The following ETNPPL variants were observed in gnomAD, a reference collection of about 807,000 sequenced individuals.
The protein encoded by ETNPPL is alanine--glyoxylate aminotransferase 2-like 1.
ETNPPL carries 30 observed loss-of-function variants against 55.5 expected under a neutral mutation model. The ratio of observed to expected loss-of-function variants is 0.54; its 90% CI spans 0.40 to 0.73. The LOEUF is 0.73. Among genes scored for constraint, ETNPPL ranks in the 30% least tolerant of loss-of-function variants. The pLI is 0.00. For missense variants in ETNPPL, 528 were observed against 607.9 expected (o/e 0.87, Z 1.38); for synonymous variants, 202 against 207.2 (o/e 0.98, Z 0.21).
In ETNPPL at chr4:108,750,027, C is replaced by T. The variant is rs534709693; in HGVS notation, c.702-564G>A. Reference sequence around the variant, plus strand: ...AGCACCCAGTCCTATTACCATATTACCTTTTAAGTGGGAAGAGAAAGAATC... The same window carrying T: ...AGCACCCAGTCCTATTACCATATTATCTTTTAAGTGGGAAGAGAAAGAATC... On this transcript the variant is annotated intron_variant, in intron 7 of 12. Transcript: ENST00000296486. Among the ~76,000 whole-genome samples, 5 of 152,188 alleles carry T rather than the reference C, an allele frequency of 3.3e-5. No homozygotes were observed. In the East Asian group the frequency reaches 5.8e-4, roughly 18 times the overall value.
Position 108,746,699 on chromosome 4 carries a change from C to A in ETNPPL, c.1172+63G>T, listed in dbSNP as rs2125671265. 27 of 1,541,186 alleles carry A rather than the reference C, an allele frequency of 1.8e-5. No homozygotes were observed. In the South Asian group the frequency reaches 2.8e-4, roughly 16 times the overall value. On this transcript the variant is annotated intron_variant, in intron 10 of 12. Transcript: ENST00000296486. ...GAGGGATGGGAGGAAGTCAAGCAAG[C>A]TTTCAAGTGGGTAGGCATCCTGCAG...
At chr4:108,753,811 G>GAAAAGAAAAGAA (rs1560656754) in intron 5 of ETNPPL, among the ~76,000 whole-genome samples, 6 of 128,862 alleles carry the variant, frequency 4.7e-5, no homozygotes, top group African/African-American at 1.7e-4. Context: ...AAAGAAAAGA[G>GAAAAGAAAAGAA]AAGAAAAGAA....
chr4:108,753,856 G>C (rs541617139), intron 5 of ETNPPL, among the ~76,000 whole-genome samples: 155 of 151,320 alleles, frequency 1.0e-3, no homozygotes, highest in African/African-American at 3.7e-3. Flanking sequence ...CCTCAGTTAA[G>C]ACAAACACAC....
Position 108,753,006 on chromosome 4 carries a change from TG to T in ETNPPL, c.506del (p.Pro169GlnfsTer25), listed in dbSNP as rs1343961764. 1 of 1,591,468 alleles carries T rather than the reference TG, an allele frequency of 6.3e-7. No individual in the cohort carries two copies. Among genetic ancestry groups the T allele is most frequent in the Non-Finnish European group, 8.6e-7 (1 of 1,164,074 alleles). The part of the protein sequence containing the change: ...DVKKEFVHVA[P>X]TPDTYRGKYR... ...ATTTTCCTCTGTAAGTATCTGGAGT[TG>T]GTGCCTGAAAACATCAAATAATGCA... On this transcript the variant is annotated frameshift_variant, in exon 6 of 13. Transcript: ENST00000296486. LOFTEE classifies it high-confidence loss of function.
intron 11 of ETNPPL, among the ~76,000 whole-genome samples, chr4:108,745,759 C>T (rs1382582445): frequency 6.6e-6 from 1 of 151,574 alleles, no homozygotes; most frequent in Non-Finnish European, 1.5e-5. Flanking sequence ...AGTGAAACCC[C>T]ATCTCTACTA....
At position 108,749,403 on chromosome 4, in the gene ETNPPL, T is replaced by G; in HGVS notation, c.762A>C (p.Arg254Ser). 1.2e-6 allele frequency: 2 copies of G among 1,614,096 alleles called. No individual in the cohort carries two copies. Among genetic ancestry groups the G allele is most frequent in the Non-Finnish European group, 1.7e-6 (2 of 1,180,012 alleles). The change falls in exon 8 of 13, where the codon AGA becomes AGC. Residue 254 changes from arginine to serine, a missense_variant. Physicochemically the swap from Arg to Ser is moderately radical, Grantham distance 110 (BLOSUM62 -1). Coordinates refer to ENST00000296486, the MANE Select transcript of ETNPPL (RefSeq NM_031279.4). ...GGAAGCTCCAGAAATGTTTCCCAAC[T>G]CTGCCAAAGCCCACTTGAACTTCAT... Reference protein sequence around the residue: ...IADEVQVGFGRVGKHFWSFQM... With the variant: ...IADEVQVGFGSVGKHFWSFQM...
chr4:108,759,938 A>G, intron 2 of ETNPPL, 30 bp from the exon 3 acceptor site: 1 of 1,603,510 alleles, frequency 6.2e-7, no homozygotes, highest in South Asian at 1.1e-5. Context: ...AGCCCAAGAA[A>G]TAAGTTAGAA....
intron 3 of ETNPPL, among the ~76,000 whole-genome samples, chr4:108,759,030 C>A (rs1480546381): frequency 6.6e-6 from 1 of 152,040 alleles, no homozygotes; most frequent in Non-Finnish European, 1.5e-5. Flanking sequence ...GCCTGGGGAA[C>A]AAGAGCGAAA....
chr4:108,743,502 A>G lies in ETNPPL; in HGVS notation c.1371+287T>C, dbSNP rs138559437. ...GCAGGAAGGAGGTTAGGCCGTTTTA[A>G]TTCTCTCTATATATATTTTATAGGC... On this transcript the variant is annotated intron_variant, in intron 12 of 12. Transcript: ENST00000296486. Among the ~76,000 whole-genome samples, 458 of 151,486 alleles carry G rather than the reference A, an allele frequency of 3.0e-3. 2 individuals carry two copies. Among genetic ancestry groups the G allele is most frequent in the Admixed American group, 9.7e-3 (147 of 15,208 alleles).
chr4:108,749,505 G>T, intron 7 of ETNPPL, 42 bp from the exon 8 acceptor site: 1 of 1,471,746 alleles, frequency 6.8e-7, no homozygotes, highest in Non-Finnish European at 9.5e-7. Flanking sequence ...AGGTCACTGA[G>T]ATCCCCAAAC....
chr4:108,756,584 C>A (rs1729211927), intron 3 of ETNPPL, 92 bp from the exon 4 acceptor site: 3 of 977,166 alleles, frequency 3.1e-6, no homozygotes, highest in Admixed American at 1.9e-5. Flanking sequence ...CGCCTGTAAT[C>A]CTAGCGCTTT....
At position 108,754,617 on chromosome 4, in the gene ETNPPL, T is replaced by A; in HGVS notation, c.501+3A>T. The A allele has an allele frequency of 1.4e-6, 2 of 1,439,728 alleles. No homozygotes were observed. Among genetic ancestry groups the A allele is most frequent in the Non-Finnish European group, 2.0e-6 (2 of 1,024,992 alleles). The allele number at this position is 1,439,728 out of a possible 1,614,324, so 89.2% of individuals were successfully genotyped here. On this transcript the variant is annotated splice_donor_region_variant and intron_variant, in intron 5 of 12. Coordinates refer to ENST00000296486, the MANE Select transcript of ETNPPL (RefSeq NM_031279.4). ...TTCTGATTTAGGATTTTAAGACACT[T>A]ACCACATGTACAAATTCTTTTTTGA... is the stretch of plus-strand genomic sequence containing the variant.
At chr4:108,744,029 G>A (rs1257438372) in intron 11 of ETNPPL, among the ~76,000 whole-genome samples, 173 bp from the exon 12 acceptor site, 4 of 152,364 alleles carry the variant, frequency 2.6e-5, no homozygotes, top group South Asian at 4.1e-4. Flanking sequence ...TCGGGAGGCC[G>A]AAGAGGGCGG....
intron 7 of ETNPPL, 82 bp from the exon 8 acceptor site, chr4:108,749,545 C>CA (rs5860943): frequency 0.11 from 89,598 of 780,426 alleles, 1,677 homozygotes; most frequent in East Asian, 0.43. Context: ...TTATTGAAGA[C>CA]AAAAAAAAAA....
At position 108,748,069 on chromosome 4, in the gene ETNPPL, C is replaced by T. The variant is rs1427810402; in HGVS notation, c.1018G>A (p.Gly340Arg). Reference sequence around the variant, plus strand: ...TTCAGTAACTCAGTGAGATAATTCCCTACTCTCTTGGCATTTCCTTGAAGG... The same window carrying T: ...TTCAGTAACTCAGTGAGATAATTCCTTACTCTCTTGGCATTTCCTTGAAGG... ...EDLQGNAKRV[G>R]NYLTELLKKQ... Residue 340 changes from glycine to arginine, a missense_variant, in exon 9 of 13, where the codon GGG (glycine) becomes AGG (arginine). Coordinates refer to ENST00000296486, the MANE Select transcript of ETNPPL (RefSeq NM_031279.4). 1.9e-6 allele frequency: 3 copies of T among 1,611,562 alleles called. No homozygotes were observed. In the African/African-American group the frequency reaches 4.0e-5, roughly 22 times the overall value.
chr4:108,745,839 G>A (rs1256925212), intron 11 of ETNPPL, among the ~76,000 whole-genome samples: 1 of 147,446 alleles, frequency 6.8e-6, no homozygotes, highest in African/African-American at 2.5e-5. Context: ...GCTGAGGCAG[G>A]AGAATCGCTG....
intron 9 of ETNPPL, 84 bp downstream of exon 9, chr4:108,747,921 G>A (rs1208792141): frequency 1.7e-6 from 2 of 1,152,896 alleles, no homozygotes; most frequent in Non-Finnish European, 2.5e-6. Context: ...ATAGAGACGG[G>A]GTCTCACCAT....
At chr4:108,747,147 TA>T (rs5860942) in intron 9 of ETNPPL, among the ~76,000 whole-genome samples, 6,068 of 30,710 alleles carry the variant, frequency 0.2, 1,152 homozygotes, top group African/African-American at 0.34. Flanking sequence ...TATATATATA[TA>T]ATATATATAT....
At chr4:108,747,502 G>A (rs924199373) in intron 9 of ETNPPL, among the ~76,000 whole-genome samples, 2 of 150,894 alleles carry the variant, frequency 1.3e-5, no homozygotes, top group African/African-American at 4.9e-5. Context: ...TTCTTGTTAT[G>A]TTGCCCAGGC....
Sources: gnomAD v4.1 joint callset for allele counts (sites outside exome capture counted in the v4.1 genomes callset) on GRCh38, gnomAD v4.1.1 for gene constraint, MANE v1.5 for transcripts, NCBI Gene and HGNC (gene_info 2026-07-23, HGNC 2026-07-21) for gene names.